Variants in SLC38A6 observed in about 807,000 individuals in gnomAD.
The protein encoded by SLC38A6 is N system amino acid transporter NAT-1.
In SLC38A6, 73 loss-of-function variants were observed where a neutral mutation model predicts 65.0. The observed-to-expected ratio is 1.12, with a 90% CI of 0.93 to 1.37. The LOEUF (loss-of-function observed/expected upper bound fraction) is 1.37. Ranked by LOEUF, SLC38A6 falls within the 40% of genes most tolerant of loss-of-function variation. The pLI is 0.00. For missense variants in SLC38A6, 561 were observed against 531.1 expected (o/e 1.06, Z -0.55); for synonymous variants, 183 against 178.8 (o/e 1.02, Z -0.19).
At chr14:61,045,034 A>G (rs902347566) in intron 10 of SLC38A6, among the ~76,000 whole-genome samples, 2 of 152,138 alleles carry the variant, frequency 1.3e-5, no homozygotes, top group Non-Finnish European at 2.9e-5. Flanking sequence ...AATATTATTT[A>G]TCTTATGTAA....
At chr14:60,992,128 A>G (rs1220014275) in intron 3 of SLC38A6, among the ~76,000 whole-genome samples, 1 of 152,190 alleles carries the variant, frequency 6.6e-6, no homozygotes, top group Admixed American at 6.5e-5. Context: ...GTACTTTACT[A>G]TCTTTGAATA....
chr14:61,033,935 G>T (rs2041172013), intron 6 of SLC38A6: 1 of 152,158 alleles, frequency 6.6e-6, no homozygotes, highest in Admixed American at 6.6e-5. Flanking sequence ...AAAGGAGAAT[G>T]CAAAGCATGA....
chr14:61,005,326 G>A (rs1300892232), intron 3 of SLC38A6, among the ~76,000 whole-genome samples: 1 of 58,866 alleles, frequency 1.7e-5, no homozygotes, highest in African/African-American at 3.2e-5. Context: ...TGGAAGTTCT[G>A]GCCAGGGCAA....
chr14:61,013,045 T>G (rs946850903), intron 3 of SLC38A6, among the ~76,000 whole-genome samples: 6 of 152,212 alleles, frequency 3.9e-5, no homozygotes, highest in African/African-American at 1.2e-4. Flanking sequence ...CTCTAAGGAC[T>G]TGCTTTATGA....
chr14:61,034,105 T>A (rs1276216843), intron 6 of SLC38A6: 1 of 152,154 alleles, frequency 6.6e-6, no homozygotes, highest in East Asian at 1.9e-4. Flanking sequence ...GAGTTACTGC[T>A]GGGAGGAGGT....
In SLC38A6 at chr14:61,015,960, AT is replaced by A; in HGVS notation, c.363+12del. 6.9e-6 allele frequency: 11 copies of A among 1,603,384 alleles called. No individual in the cohort carries two copies. Among genetic ancestry groups the A allele is most frequent in the South Asian group, 1.1e-5 (1 of 88,466 alleles). ...TGCATTTGGATTACCTGGAAAGGTA[AT>A]TTTTTTTCCTCCTCATTGTGTCCAA... On this transcript the variant is annotated splice_donor_5th_base_variant and intron_variant, in intron 4 of 15. Transcript: ENST00000267488.
intron 15 of SLC38A6, among the ~76,000 whole-genome samples, chr14:61,072,793 G>A (rs1160957687): frequency 6.6e-6 from 1 of 152,096 alleles, no homozygotes; most frequent in Non-Finnish European, 1.5e-5. Flanking sequence ...TGGACACTTA[G>A]GTTACTTCCA....
rs532521666 is a variant in SLC38A6, at chr14:61,004,312, T to C, written c.311-11592T>C. 11 of 152,264 alleles carry C rather than the reference T, an allele frequency of 7.2e-5. 1 individual carries two copies. Among genetic ancestry groups the C allele is most frequent in the African/African-American group, 2.6e-4 (11 of 41,560 alleles). The allele number at this position is 152,264 out of a possible 1,614,324, so 9.4% of individuals were successfully genotyped here. A position where few individuals can be genotyped will look rare whatever the true frequency, so the allele number is the denominator to read the frequency against. On this transcript the variant is annotated intron_variant, in intron 3 of 15. Coordinates refer to ENST00000267488, the MANE Select transcript of SLC38A6 (RefSeq NM_153811.3). Reference sequence around the variant, plus strand: ...TCCGGTTAGCCTTTTTGATGGGTATTACCTTGATGACTTGCTCACTGACAG... The same window carrying C: ...TCCGGTTAGCCTTTTTGATGGGTATCACCTTGATGACTTGCTCACTGACAG...
intron 8 of SLC38A6, among the ~76,000 whole-genome samples, chr14:61,039,569 C>T: frequency 6.9e-6 from 1 of 144,464 alleles, no homozygotes; most frequent in African/African-American, 2.6e-5. Flanking sequence ...TGGTGTTTCA[C>T]CATGTTAGCC....
intron 15 of SLC38A6, among the ~76,000 whole-genome samples, chr14:61,064,243 C>A (rs962953386): frequency 6.6e-6 from 1 of 152,128 alleles, no homozygotes; most frequent in Non-Finnish European, 1.5e-5. Flanking sequence ...CCAGTCAATC[C>A]GATATCCTAC....
chr14:61,038,658 G>A (rs2041569985), intron 8 of SLC38A6, among the ~76,000 whole-genome samples: 1 of 152,162 alleles, frequency 6.6e-6, no homozygotes, highest in South Asian at 2.1e-4. Context: ...CTTAGGCTAA[G>A]CTATCTTCTG....
rs553876114 is a variant in SLC38A6 at position 61,038,300 on chromosome 14, A to G, written c.624+617A>G. Reference sequence around the variant, plus strand: ...TAACTTATTTTGATATTATAAAATAATATAAAGATAAGAATTTAAATTTAT... The same window carrying G: ...TAACTTATTTTGATATTATAAAATAGTATAAAGATAAGAATTTAAATTTAT... On this transcript the variant is annotated intron_variant, in intron 8 of 15. Coordinates refer to ENST00000267488, the MANE Select transcript of SLC38A6 (RefSeq NM_153811.3). Among the ~76,000 whole-genome samples, 40 of 152,126 alleles carry G rather than the reference A, an allele frequency of 2.6e-4. 1 individual carries two copies. Among genetic ancestry groups the G allele is most frequent in the Non-Finnish European group, 4.7e-4 (32 of 67,940 alleles).
chr14:61,081,394 G>A lies in SLC38A6; in HGVS notation c.1409-2161G>A, dbSNP rs116522553. 4.5e-5 allele frequency among the ~76,000 whole-genome samples: 6 copies of A among 134,260 alleles called. No individual in the cohort carries two copies. The East Asian group carries it at 8.2e-4, about 18-fold the overall frequency. 88.1% of individuals were successfully genotyped at this position (134,260 alleles called of 152,430 possible). A position where few individuals can be genotyped will look rare whatever the true frequency, so the allele number is the denominator to read the frequency against. ...CCAGACCCATCTTCCCAGGTCCAGC[G>A]TAAGTCTTTCATGTTCCATGAAGCC... On this transcript the variant is annotated intron_variant, in intron 16 of 16. Coordinates refer to the SLC38A6 transcript ENST00000354886.
intron 2 of SLC38A6, among the ~76,000 whole-genome samples, chr14:60,984,049 A>T (rs2139670855): frequency 6.6e-6 from 1 of 152,286 alleles, no homozygotes; most frequent in Non-Finnish European, 1.5e-5. Context: ...AGCTGTATAG[A>T]AGCTTGTCCT....
intron 3 of SLC38A6, among the ~76,000 whole-genome samples, chr14:61,005,436 T>C (rs1158179265): frequency 6.3e-5 from 9 of 142,610 alleles, no homozygotes; most frequent in African/African-American, 2.3e-4. Flanking sequence ...GAAAACCCCA[T>C]TGTCTCAGCC....
intron 15 of SLC38A6, among the ~76,000 whole-genome samples, chr14:61,078,068 C>T (rs1224441850): frequency 6.6e-6 from 1 of 152,194 alleles, no homozygotes; most frequent in Non-Finnish European, 1.5e-5. Context: ...GAGGTGACCT[C>T]TATACAATAC....
At chr14:61,064,036 A>C (rs941544723) in intron 15 of SLC38A6, among the ~76,000 whole-genome samples, 1 of 152,186 alleles carries the variant, frequency 6.6e-6, no homozygotes, top group South Asian at 2.1e-4. Flanking sequence ...TTCATCTTGC[A>C]TGAGAATTAT....
At chr14:61,012,586 T>G (rs1427215050) in intron 3 of SLC38A6, among the ~76,000 whole-genome samples, 2 of 152,214 alleles carry the variant, frequency 1.3e-5, no homozygotes, top group Non-Finnish European at 2.9e-5. Context: ...ATGTTGTGTC[T>G]TTGTTCTTGT....
At chr14:61,070,587 G>A (rs1446859850) in intron 15 of SLC38A6, among the ~76,000 whole-genome samples, 1 of 152,184 alleles carries the variant, frequency 6.6e-6, no homozygotes, top group Admixed American at 6.5e-5. Context: ...AAGTGAGATT[G>A]CTGTATCATA....
Sources: gnomAD v4.1 joint callset for allele counts (sites outside exome capture counted in the v4.1 genomes callset) on GRCh38, gnomAD v4.1.1 for gene constraint, MANE v1.5 for transcripts, NCBI Gene and HGNC (gene_info 2026-07-23, HGNC 2026-07-21) for gene names.